Variants in TM9SF2 observed in about 807,000 individuals in gnomAD.
TM9SF2 encodes the protein 76 kDa membrane protein.
TM9SF2 carries 13 observed loss-of-function variants against 84.9 expected under a neutral mutation model. The observed-to-expected ratio is 0.15, with a 90% CI of 0.10 to 0.24. The LOEUF (loss-of-function observed/expected upper bound fraction) is 0.24. TM9SF2 is among the 10% of genes least tolerant of loss of function. TM9SF2 has a pLI of 1.00. For synonymous variants in TM9SF2, 273 were observed against 285.8 expected (o/e 0.96, Z 0.45); for missense variants, 562 against 818.5 (o/e 0.69, Z 3.82).
At chr13:99,552,521 A>G (rs1393645117) in intron 13 of TM9SF2, among the ~76,000 whole-genome samples, 195 bp downstream of exon 13, 1 of 152,238 alleles carries the variant, frequency 6.6e-6, no homozygotes, top group Non-Finnish European at 1.5e-5. Context: ...CTTAGGTTTC[A>G]AAGTTTTTTA....
At chr13:99,532,042 G>A (rs1361107081) in intron 4 of TM9SF2, among the ~76,000 whole-genome samples, 1 of 151,538 alleles carries the variant, frequency 6.6e-6, no homozygotes, top group African/African-American at 2.4e-5. Context: ...TAAGGTCTGT[G>A]GATGATTTTT....
chr13:99,536,179 A>C (rs1369209299), intron 4 of TM9SF2, among the ~76,000 whole-genome samples: 1 of 152,228 alleles, frequency 6.6e-6, no homozygotes, highest in African/African-American at 2.4e-5. Context: ...ATTCTGCTAA[A>C]GGTAAATTAC....
Position 99,540,755 on chromosome 13 carries a change from T to C in TM9SF2, c.870T>C (p.Ile290=). The change falls in exon 8 of 17, where the codon ATT becomes ATC. Residue 290 remains isoleucine (I), a synonymous_variant. Coordinates refer to ENST00000376387, the MANE Select transcript of TM9SF2 (RefSeq NM_004800.3). ...KIRWASRWDY[I]LESMPHTHIQ... is the part of the protein sequence containing the mutation. The stretch of plus-strand genomic sequence containing the variant: ...GATGGGCGTCTAGATGGGACTATAT[T>C]CTGGAGTCTATGCCTCATACCCACA... 6.2e-7 allele frequency: 1 copy of C among 1,613,884 alleles called. No homozygotes were observed. The highest frequency in any genetic ancestry group is 8.5e-7 in the Non-Finnish European group (1 of 1,179,876).
At chr13:99,524,836 T>C (rs923073687) in intron 3 of TM9SF2, among the ~76,000 whole-genome samples, 5 of 151,728 alleles carry the variant, frequency 3.3e-5, no homozygotes, top group African/African-American at 1.2e-4. Flanking sequence ...AGTGCTGGAA[T>C]TACAGGCGTG....
chr13:99,505,500 G>T (rs1177698351), intron 1 of TM9SF2, among the ~76,000 whole-genome samples: 1 of 152,160 alleles, frequency 6.6e-6, no homozygotes, highest in African/African-American at 2.4e-5. Flanking sequence ...TGAAATTTCT[G>T]TGTCTTTTAA....
intron 1 of TM9SF2, 136 bp downstream of exon 1, chr13:99,501,913 T>TG (rs1388495672): frequency 2.4e-6 from 3 of 1,227,358 alleles, no homozygotes; most frequent in Non-Finnish European, 3.3e-6. Flanking sequence ...CAGAAGCTTT[T>TG]GGGGTCTGCT....
At chr13:99,546,488 G>A (rs1320970930) in intron 10 of TM9SF2, among the ~76,000 whole-genome samples, 9 of 151,954 alleles carry the variant, frequency 5.9e-5, no homozygotes, top group Non-Finnish European at 1.2e-4. Context: ...GCTAATGGCC[G>A]TATGAAATCT....
chr13:99,511,236 C>A (rs984324264), intron 1 of TM9SF2, among the ~76,000 whole-genome samples: 1 of 152,000 alleles, frequency 6.6e-6, no homozygotes, highest in South Asian at 2.1e-4. Context: ...TCACCTAGAC[C>A]ACCTAGAATC....
At chr13:99,520,226 G>A in intron 3 of TM9SF2, 97 bp downstream of exon 3, 1 of 1,013,066 alleles carries the variant, frequency 9.9e-7, no homozygotes, top group Non-Finnish European at 1.4e-6. Context: ...TTGCTAAGGA[G>A]GAGTTCATTT....
chr13:99,543,262 G>A (rs2046268459), intron 9 of TM9SF2, among the ~76,000 whole-genome samples: 1 of 152,100 alleles, frequency 6.6e-6, no homozygotes, highest in South Asian at 2.1e-4. Context: ...TTTCTGTACA[G>A]CGCTTATTAC....
chr13:99,541,419 G>T, intron 8 of TM9SF2, 140 bp from the exon 9 acceptor site: 1 of 575,882 alleles, frequency 1.7e-6, no homozygotes, highest in African/African-American at 1.9e-5. Context: ...ACAGTTCATT[G>T]AATTTGTTGG....
chr13:99,554,621 G>A (rs575036816), intron 14 of TM9SF2, among the ~76,000 whole-genome samples, 166 bp downstream of exon 14: 12 of 152,288 alleles, frequency 7.9e-5, no homozygotes, highest in African/African-American at 2.9e-4. Flanking sequence ...CATGTTGGAA[G>A]AAGAACAATA....
chr13:99,549,083 G>T, intron 11 of TM9SF2, 82 bp from the exon 12 acceptor site: 3 of 1,187,112 alleles, frequency 2.5e-6, no homozygotes, highest in South Asian at 1.3e-5. Flanking sequence ...TGACAGTTTG[G>T]CAAATATCAG....
At chr13:99,559,861 G>A (rs1446496400) in intron 16 of TM9SF2, among the ~76,000 whole-genome samples, 1 of 151,606 alleles carries the variant, frequency 6.6e-6, no homozygotes, top group Non-Finnish European at 1.5e-5. Context: ...TCAGAAATAG[G>A]GTAGAAGCTA....
intron 3 of TM9SF2, 85 bp from the exon 4 acceptor site, chr13:99,529,382 C>T: frequency 7.9e-7 from 1 of 1,259,624 alleles, no homozygotes; most frequent in East Asian, 2.8e-5. Flanking sequence ...TTTAATGGGA[C>T]CAGCACTTTT....
chr13:99,557,066 G>A lies in TM9SF2; in HGVS notation c.1752+1419G>A, dbSNP rs574313949. On this transcript the variant is annotated intron_variant, in intron 15 of 16. Coordinates refer to ENST00000376387, the MANE Select transcript of TM9SF2 (RefSeq NM_004800.3). ...GTATATATCTAGGAGTGGAATCACT[G>A]GGTCATATGGTAGTTCTGTTCAATT... Among the ~76,000 whole-genome samples, 72 of 152,230 alleles carry A rather than the reference G, an allele frequency of 4.7e-4. No homozygotes were observed. The South Asian group carries it at 0.015, about 31-fold the overall frequency.
chr13:99,554,272 T>C (rs1222605877), intron 13 of TM9SF2, 32 bp from the exon 14 acceptor site: 9 of 1,599,258 alleles, frequency 5.6e-6, no homozygotes, highest in South Asian at 1.1e-5. Context: ...AGATACGTAA[T>C]TATGAATTCT....
In TM9SF2 at chr13:99,529,240, C is replaced by G. The variant is rs3803254; in HGVS notation, c.334-227C>G. On this transcript the variant is annotated intron_variant, in intron 3 of 16. Transcript: ENST00000376387. ...TAAAAGGTAAGTCGATTGAAATTAC[C>G]AAAAAGAACGTATCAAAGGAAAACT... Among the ~76,000 whole-genome samples, 876 of 151,788 alleles carry G rather than the reference C, an allele frequency of 5.8e-3. 16 individuals are homozygous for G. Among genetic ancestry groups the G allele is most frequent in the Admixed American group, 0.038 (578 of 15,236 alleles).
intron 16 of TM9SF2, among the ~76,000 whole-genome samples, chr13:99,560,692 A>T (rs1365846600): frequency 6.6e-6 from 1 of 151,834 alleles, no homozygotes; most frequent in Non-Finnish European, 1.5e-5. Flanking sequence ...TTTTATTTTT[A>T]TTTTTTTGAG....
Sources: allele counts gnomAD v4.1 joint callset (sites outside exome capture counted in the v4.1 genomes callset), GRCh38; gene constraint gnomAD v4.1.1; transcripts MANE v1.5; gene names NCBI Gene and HGNC (gene_info 2026-07-23, HGNC 2026-07-21).